AHNAK: variants seen among roughly 807,000 people sequenced by gnomAD.
AHNAK encodes neuroblast differentiation-associated protein AHNAK.
Under a neutral mutation model 37.8 loss-of-function variants are expected in AHNAK, and 23 were observed. That is an observed-to-expected ratio of 0.61 (90% CI 0.44 to 0.86). AHNAK has a LOEUF of 0.86. AHNAK is among the 40% of genes least tolerant of loss of function. AHNAK has a pLI of 0.00. For synonymous variants in AHNAK, 2,481 were observed against 2,636.3 expected (o/e 0.94, Z 1.80); for missense variants, 7,411 against 7,319.4 (o/e 1.01, Z -0.46).
Position 62,523,134 on chromosome 11 carries a change from G to GC in AHNAK, c.11282dup (p.Asp3762ArgfsTer12). 2 of 1,612,822 alleles carry GC rather than the reference G, an allele frequency of 1.2e-6. No individual in the cohort carries two copies. The highest frequency in any genetic ancestry group is 1.7e-6 in the Non-Finnish European group (2 of 1,179,670). On this transcript the variant is annotated frameshift_variant, in exon 5 of 5. Transcript: ENST00000378024. LOFTEE classifies it low-confidence loss of function (END_TRUNC). ...TTTTGGGCAGAGAAACATCCACATCGCCCTTGACTTTGGGGCCCTTCAGGT... is the reference window on the plus strand; with the variant it reads ...TTTTGGGCAGAGAAACATCCACATCGCCCCTTGACTTTGGGGCCCTTCAGGT...
rs755295460 is a variant in AHNAK, at chr11:62,517,536, AC to A, written c.16880del (p.Gly5627ValfsTer2). The stretch of plus-strand genomic sequence containing the variant: ...GGAGTCCAATCTGACCTCCTTTCAC[AC>A]CTCCTTCCACCTTTGGTCCTGAGAA... Reference protein sequence around the residue: ...LHFSGPKVEGGVKGGQIGLQA... With the variant: ...LHFSGPKVEGXVKGGQIGLQA... On this transcript the variant is annotated frameshift_variant, in exon 5 of 5. Coordinates refer to ENST00000378024, the MANE Select transcript of AHNAK (RefSeq NM_001620.3). LOFTEE classifies it high-confidence loss of function. 5.6e-6 allele frequency: 9 copies of A among 1,613,740 alleles called. No individual in the cohort carries two copies. In the South Asian group the frequency reaches 9.9e-5, roughly 18 times the overall value.
intron 5 of AHNAK, among the ~76,000 whole-genome samples, chr11:62,435,603 C>T (rs911076664): frequency 6.6e-6 from 1 of 152,106 alleles, no homozygotes; most frequent in Non-Finnish European, 1.5e-5. Flanking sequence ...TTAGTACAGA[C>T]GGGGTTTCAC....
Position 62,526,979 on chromosome 11 carries a change from C to T in AHNAK, c.7438G>A (p.Gly2480Ser), listed in dbSNP as rs760330376. 18 of 1,613,990 alleles carry T rather than the reference C, an allele frequency of 1.1e-5. No individual in the cohort carries two copies. The highest frequency in any genetic ancestry group is 1.3e-5 in the Non-Finnish European group (15 of 1,179,940). Residue 2480 changes from glycine to serine, a missense_variant, in exon 5 of 5, where the codon GGT becomes AGT. By Grantham distance (56) the Gly-to-Ser change is moderately conservative (BLOSUM62 0). Transcript: ENST00000378024. ...DVDVSVPEVEGKLEVPDMNIR... is the reference protein window; with the variant it reads ...DVDVSVPEVESKLEVPDMNIR... ...TTCATATCTGGTACTTCAAGTTTAC[C>T]TTCTACCTCAGGCACAGACACATCC...
intron 1 of AHNAK, among the ~76,000 whole-genome samples, chr11:62,540,459 A>G (rs988765549): frequency 6.6e-6 from 1 of 152,250 alleles, no homozygotes; most frequent in South Asian, 2.1e-4. Context: ...CCCTAGTCCC[A>G]GAGCCTGCTA....
chr11:62,525,795 G>T lies in AHNAK; in HGVS notation c.8622C>A (p.Pro2874=), dbSNP rs1455353471. 6.2e-7 allele frequency: 1 copy of T among 1,612,704 alleles called. No homozygotes were observed. The highest frequency in any genetic ancestry group is 1.1e-5 in the South Asian group (1 of 91,010). The change falls in exon 5 of 5, where the codon CCC becomes CCA. Residue 2874 remains proline (P), a synonymous_variant. Coordinates refer to ENST00000378024, the MANE Select transcript of AHNAK (RefSeq NM_001620.3). ...CATCTGGGACATCAATGTCCACTTT[G>T]GGGCCTTTGAGGTCAACTTCAGGAC... is the stretch of plus-strand genomic sequence containing the variant. ...LKGPEVDLKG[P]KVDIDVPDVN... is the part of the protein sequence containing the mutation.
chr11:62,444,240 C>G lies in AHNAK; in HGVS notation c.443-10349G>C, dbSNP rs141078374. 4.6e-3 allele frequency among the ~76,000 whole-genome samples: 693 copies of G among 151,952 alleles called. 6 individuals are homozygous for G. Among genetic ancestry groups the G allele is most frequent in the African/African-American group, 0.016 (663 of 41,218 alleles). On this transcript the variant is annotated intron_variant, in intron 5 of 5. Transcript: ENST00000257247. ...ATAAGTGAGCCTGGGGGGACTTGTT[C>G]TATGGGCTGGGACTCAAACCAGCCA...
At chr11:62,448,655 AT>A (rs1472574804) in intron 5 of AHNAK, among the ~76,000 whole-genome samples, 1 of 152,220 alleles carries the variant, frequency 6.6e-6, no homozygotes, top group Non-Finnish European at 1.5e-5. Flanking sequence ...TTTGAGTTCC[AT>A]TTGGGAAATG....
intron 5 of AHNAK, among the ~76,000 whole-genome samples, chr11:62,470,411 A>G (rs1196651863): frequency 7.1e-6 from 1 of 139,930 alleles, no homozygotes; most frequent in East Asian, 2.0e-4. Flanking sequence ...GTACCACTGC[A>G]CTCCAGCCTG....
intron 5 of AHNAK, among the ~76,000 whole-genome samples, chr11:62,452,748 G>A (rs368765015): frequency 7.9e-5 from 12 of 152,276 alleles, no homozygotes; most frequent in Admixed American, 4.6e-4. Context: ...CAGGCCGGGC[G>A]CGGTGGCTTA....
downstream of AHNAK, among the ~76,000 whole-genome samples, chr11:62,515,321 C>T (rs1939988435): frequency 6.6e-6 from 1 of 152,194 alleles, no homozygotes; most frequent in South Asian, 2.1e-4. Context: ...GAGTTTGAGA[C>T]CAGCCTGGCC....
At chr11:62,544,144 G>A (rs1040350127) in intron 1 of AHNAK, among the ~76,000 whole-genome samples, 10 of 152,054 alleles carry the variant, frequency 6.6e-5, no homozygotes, top group East Asian at 5.8e-4. Flanking sequence ...TCGAGCAAAA[G>A]AATCCAGCCT....
At chr11:62,450,948 G>A (rs1000851963) in intron 5 of AHNAK, among the ~76,000 whole-genome samples, 8 of 152,222 alleles carry the variant, frequency 5.3e-5, no homozygotes, top group Non-Finnish European at 7.3e-5. Flanking sequence ...GCTCACGCCT[G>A]TAATCGCGGC....
Position 62,529,815 on chromosome 11 carries a change from C to G in AHNAK, c.4602G>C (p.Leu1534=). ...KGEGPEVDMN[L]PKADLGVSGP... ...CTGAAACACCAAGGTCAGCCTTGGG[C>G]AGGTTCATATCCACCTCTGGGCCCT... The change falls in exon 5 of 5, where the codon CTG becomes CTC. Residue 1534 remains leucine, a synonymous_variant. Transcript: ENST00000378024. 1 of 1,614,096 alleles carries G rather than the reference C, an allele frequency of 6.2e-7. No homozygotes were observed. The highest frequency in any genetic ancestry group is 8.5e-7 in the Non-Finnish European group (1 of 1,180,026).
intron 4 of AHNAK, among the ~76,000 whole-genome samples, chr11:62,493,656 G>A (rs1050904469): frequency 7.0e-5 from 8 of 114,728 alleles, no homozygotes; most frequent in Non-Finnish European, 1.3e-4. Context: ...TTTAAGAGAT[G>A]GGGGGGGTCC....
intron 5 of AHNAK, among the ~76,000 whole-genome samples, chr11:62,478,397 C>T (rs1181303369): frequency 6.6e-6 from 1 of 152,182 alleles, no homozygotes; most frequent in African/African-American, 2.4e-5. Context: ...TGTTCTTGTC[C>T]TTTACTTCTC....
intron 4 of AHNAK, among the ~76,000 whole-genome samples, chr11:62,503,610 A>G (rs1939753114): frequency 6.6e-6 from 1 of 152,040 alleles, no homozygotes; most frequent in Non-Finnish European, 1.5e-5. Context: ...AGAAAAAAAA[A>G]GTGAGTGTTT....
At chr11:62,501,014 T>A (rs1046560009) in intron 4 of AHNAK, among the ~76,000 whole-genome samples, 2 of 151,588 alleles carry the variant, frequency 1.3e-5, no homozygotes, top group African/African-American at 4.9e-5. Flanking sequence ...AACCCAAGAG[T>A]TCGAGACCAG....
At position 62,520,131 on chromosome 11, in the gene AHNAK, C is replaced by T. The variant is rs955285236; in HGVS notation, c.14286G>A (p.Val4762=). ...GPEADIKGPK[V]DINTPDVDVH... ...CATCCACATCAGGGGTGTTGATGTC[C>T]ACTTTTGGGCCCTTGATGTCAGCTT... Residue 4762 remains valine, a synonymous_variant, in exon 5 of 5, where the codon GTG becomes GTA. Coordinates refer to ENST00000378024, the MANE Select transcript of AHNAK (RefSeq NM_001620.3). The T allele has an allele frequency of 5.1e-5, 82 of 1,612,244 alleles. No individual in the cohort carries two copies. In the East Asian group the frequency reaches 1.8e-3, roughly 35 times the overall value.
In AHNAK at chr11:62,522,987, G is replaced by A. The variant is rs1308725204; in HGVS notation, c.11430C>T (p.Pro3810=). The change falls in exon 5 of 5, where the codon CCC becomes CCT. Residue 3810 remains proline, a synonymous_variant. Coordinates refer to ENST00000378024, the MANE Select transcript of AHNAK (RefSeq NM_001620.3). The part of the protein sequence containing the change: ...WHLKMPKVKM[P]KFSMPGFKGE... ...CTTTGAAGCCAGGCATGCTGAACTT[G>A]GGCATTTTCACCTTGGGCATCTTCA... is the stretch of plus-strand genomic sequence containing the variant. 3 of 1,613,378 alleles carry A rather than the reference G, an allele frequency of 1.9e-6. No individual in the cohort carries two copies. The highest frequency in any genetic ancestry group is 2.5e-6 in the Non-Finnish European group (3 of 1,179,930).
Sources: gnomAD v4.1 joint callset for allele counts (sites outside exome capture counted in the v4.1 genomes callset) on GRCh38, gnomAD v4.1.1 for gene constraint, MANE v1.5 for transcripts, NCBI Gene and HGNC (gene_info 2026-07-23, HGNC 2026-07-21) for gene names.